CHDH: variants seen among roughly 807,000 people sequenced by gnomAD.
CHDH encodes choline dehydrogenase.
Under a neutral mutation model 56.9 loss-of-function variants are expected in CHDH, and 43 were observed. That is an observed-to-expected ratio of 0.76 (90% CI 0.59 to 0.97). CHDH has a LOEUF of 0.97. CHDH is among the 50% of genes least tolerant of loss of function. The probability of loss-of-function intolerance (pLI) is 0.00; values close to 1 mark genes in which losing one functional copy is unlikely to be tolerated. For missense variants in CHDH, 816 were observed against 821.1 expected, an observed-to-expected ratio of 0.99 and a Z score of 0.08; for synonymous variants, 364 against 348.5, an observed-to-expected ratio of 1.04 and a Z score of -0.50.
rs2106943877 is a variant in CHDH at position 53,813,257 on chromosome 3, T to C, written c.*4520A>G. 2.0e-5 allele frequency: 3 copies of C among 152,252 alleles called. No homozygotes were observed. The allele number at this position is 152,252 out of a possible 1,614,324, so 9.4% of individuals were successfully genotyped here. A position where few individuals can be genotyped will look rare whatever the true frequency, so the allele number is the denominator to read the frequency against. On this transcript the variant is annotated 3_prime_UTR_variant, in exon 9 of 9. Transcript: ENST00000315251. ...CACTTCAAGGTTTGTAAATGACTCT[T>C]TCCTGACATAAATCCTTTTTTATTA...
Position 53,818,942 on chromosome 3 carries a change from T to G in CHDH, c.1362A>C (p.Ser454=). The G allele has an allele frequency of 6.2e-7, 1 of 1,606,374 alleles. No individual in the cohort carries two copies. The change falls in exon 8 of 9, where the codon TCA becomes TCC. Residue 454 remains serine (S), a synonymous_variant. Coordinates refer to ENST00000315251, the MANE Select transcript of CHDH (RefSeq NM_018397.5). ...DHPVIQPNYL[S]TETDIEDFRL... ...AGACACAGGTGGGTGAAGTACCTGT[T>G]GACAAGTAGTTGGGCTGGATCACAG...
intron 2 of CHDH, among the ~76,000 whole-genome samples, chr3:53,831,394 C>T (rs1480146995): frequency 1.3e-5 from 2 of 152,244 alleles, no homozygotes; most frequent in Non-Finnish European, 2.9e-5. Flanking sequence ...AACTGTAGAG[C>T]CCTGGGGCCT....
At position 53,823,449 on chromosome 3, in the gene CHDH, A is replaced by C; in HGVS notation, c.560T>G (p.Leu187Arg). 1 of 1,566,406 alleles carries C rather than the reference A, an allele frequency of 6.4e-7. No individual in the cohort carries two copies. Reference sequence around the variant, plus strand: ...GTTGGTCTTGCCCCGGGACACCCGCAGCGGGCCATCGGCGCCCCGGTACCG... The same window carrying C: ...GTTGGTCTTGCCCCGGGACACCCGCCGCGGGCCATCGGCGCCCCGGTACCG... The part of the protein sequence containing the change: ...ASRYRGADGP[L>R]RVSRGKTNHP... Residue 187 changes from leucine to arginine, a missense_variant, in exon 3 of 9, where the codon CTG (leucine) becomes CGG (arginine). Transcript: ENST00000315251.
chr3:53,832,327 T>G (rs376919048), intron 2 of CHDH, among the ~76,000 whole-genome samples: 3 of 151,902 alleles, frequency 2.0e-5, no homozygotes, highest in Non-Finnish European at 2.9e-5. Flanking sequence ...GTCAGGAGAT[T>G]AAGACCATCC....
intron 5 of CHDH, 99 bp from the exon 6 acceptor site, chr3:53,820,707 T>A: frequency 7.0e-7 from 1 of 1,437,216 alleles, no homozygotes; most frequent in East Asian, 2.3e-5. Context: ...TATTCCCTTA[T>A]CTTCTGGACC....
intron 2 of CHDH, among the ~76,000 whole-genome samples, chr3:53,828,388 T>C (rs547589601): frequency 6.6e-6 from 1 of 152,188 alleles, no homozygotes; most frequent in Admixed American, 6.5e-5. Context: ...ATGAAAGAAA[T>C]AATTGATAAG....
intron 8 of CHDH, among the ~76,000 whole-genome samples, chr3:53,818,433 G>C (rs570831962): frequency 6.6e-6 from 1 of 152,302 alleles, no homozygotes; most frequent in African/African-American, 2.4e-5. Context: ...AGAGGCCCAG[G>C]TTTAAATCAG....
intron 2 of CHDH, among the ~76,000 whole-genome samples, chr3:53,837,347 G>C (rs1182495238): frequency 6.6e-6 from 1 of 152,214 alleles, no homozygotes; most frequent in African/African-American, 2.4e-5. Flanking sequence ...ATACCACTTG[G>C]CCCCTTGTGC....
chr3:53,822,748 G>A (rs1428364940), intron 3 of CHDH, 106 bp from the exon 4 acceptor site: 2 of 1,350,830 alleles, frequency 1.5e-6, no homozygotes, highest in East Asian at 2.5e-5. Flanking sequence ...AGCTCTGACT[G>A]CAAGTCCCGC....
chr3:53,826,606 C>A (rs1294381840), intron 2 of CHDH, among the ~76,000 whole-genome samples: 1 of 151,922 alleles, frequency 6.6e-6, no homozygotes, highest in South Asian at 2.1e-4. Flanking sequence ...GAAACTTCCC[C>A]AACTTGGTAA....
In CHDH at chr3:53,823,994, T is replaced by C; in HGVS notation, c.15A>G (p.Leu5=). The part of the protein sequence containing the change: MWCL[L]RGLGRPGALA... Reference sequence around the variant, plus strand: ...GGGCTCCAGGCCGGCCCAGGCCTCGTAGGAGACACCACATGCTTCTATCTA... The same window carrying C: ...GGGCTCCAGGCCGGCCCAGGCCTCGCAGGAGACACCACATGCTTCTATCTA... The change falls in exon 3 of 9, where the codon CTA becomes CTG. Residue 5 remains leucine, a synonymous_variant. Transcript: ENST00000315251. 2.7e-6 allele frequency: 4 copies of C among 1,487,466 alleles called. No homozygotes were observed. The East Asian group carries it at 1.0e-4, about 37-fold the overall frequency. 92.1% of individuals were successfully genotyped at this position (1,487,466 alleles called of 1,614,324 possible).
intron 2 of CHDH, among the ~76,000 whole-genome samples, chr3:53,831,095 C>G (rs967302127): frequency 2.6e-5 from 4 of 152,298 alleles, no homozygotes; most frequent in Admixed American, 6.5e-5. Flanking sequence ...ACTGAAGAGC[C>G]CTTGGGCCTT....
Position 53,823,423 on chromosome 3 carries a change from G to T in CHDH, c.586C>A (p.His196Asn). 1.3e-6 allele frequency: 2 copies of T among 1,588,050 alleles called. No homozygotes were observed. Among genetic ancestry groups the T allele is most frequent in the Non-Finnish European group, 1.7e-6 (2 of 1,167,402 alleles). Reference sequence around the variant, plus strand: ...TCCAGGAATGCGCAGTGCAGCGGGTGGTTGGTCTTGCCCCGGGACACCCGC... The same window carrying T: ...TCCAGGAATGCGCAGTGCAGCGGGTTGTTGGTCTTGCCCCGGGACACCCGC... ...PLRVSRGKTN[H>N]PLHCAFLEAT... Residue 196 changes from histidine to asparagine, a missense_variant, in exon 3 of 9, where the codon CAC (histidine) becomes AAC (asparagine). Coordinates refer to ENST00000315251, the MANE Select transcript of CHDH (RefSeq NM_018397.5).
intron 8 of CHDH, 28 bp from the exon 9 acceptor site, chr3:53,818,223 C>T (rs2095619362): frequency 2.6e-6 from 4 of 1,562,178 alleles, no homozygotes; most frequent in South Asian, 1.2e-5. Flanking sequence ...CAGGTGAGGA[C>T]CCCTCCTTTT....
chr3:53,817,795 C>T lies in CHDH; in HGVS notation c.1767G>A (p.Thr589=), dbSNP rs764597199. The change falls in exon 9 of 9, where the codon ACG becomes ACA. Residue 589 remains threonine (T), a synonymous_variant. Coordinates refer to ENST00000315251, the MANE Select transcript of CHDH (RefSeq NM_018397.5). Reference sequence around the variant, plus strand: ...AACTGTCTTAGCGCTGGGTGGCCAGCGTCCTGGGCTTGTAGACAGGGACAT... The same window carrying T: ...AACTGTCTTAGCGCTGGGTGGCCAGTGTCCTGGGCTTGTAGACAGGGACAT... ...DKDVPVYKPR[T]LATQR The T allele has an allele frequency of 1.1e-5, 18 of 1,605,072 alleles. No individual in the cohort carries two copies. The highest frequency in any genetic ancestry group is 8.9e-5 in the East Asian group (4 of 44,798).
Position 53,820,409 on chromosome 3 carries a change from C to T in CHDH, c.1120+65G>A, listed in dbSNP as rs940943638. 2.6e-5 allele frequency: 40 copies of T among 1,545,640 alleles called. 1 individual carries two copies. Among genetic ancestry groups the T allele is most frequent in the Middle Eastern group, 3.6e-4 (2 of 5,526 alleles). On this transcript the variant is annotated intron_variant, in intron 6 of 8. Coordinates refer to ENST00000315251, the MANE Select transcript of CHDH (RefSeq NM_018397.5). ...CAGTGGCCAGAACCCCTGTTCAGCT[C>T]CTCAGGAAGGAGGTCTCAATGCTTA... is the stretch of plus-strand genomic sequence containing the variant.
intron 4 of CHDH, among the ~76,000 whole-genome samples, chr3:53,822,235 A>G (rs1357797556): frequency 3.3e-5 from 5 of 152,096 alleles, no homozygotes; most frequent in African/African-American, 4.8e-5. Flanking sequence ...ATGGTGTGGA[A>G]GGTACTGGGG....
chr3:53,830,774 A>C (rs1444763457), intron 2 of CHDH, among the ~76,000 whole-genome samples: 2 of 152,216 alleles, frequency 1.3e-5, no homozygotes, highest in African/African-American at 4.8e-5. Flanking sequence ...AATACATCTT[A>C]AAAGACTGAA....
In CHDH at chr3:53,816,132, C is replaced by G. The variant is rs2095615376; in HGVS notation, c.*1645G>C. On this transcript the variant is annotated 3_prime_UTR_variant, in exon 9 of 9. Transcript: ENST00000315251. ...AGAAAACTAACTTGTGGCTGTCGGA[C>G]GCCCCCCCCCCCCGCCCCAGTCTGT... 2 of 28,846 alleles carry G rather than the reference C, an allele frequency of 6.9e-5. No homozygotes were observed. Among genetic ancestry groups the G allele is most frequent in the East Asian group, 1.8e-3 (1 of 554 alleles). 1.8% of individuals were successfully genotyped at this position (28,846 alleles called of 1,614,324 possible).
Sources: allele counts gnomAD v4.1 joint callset (sites outside exome capture counted in the v4.1 genomes callset), GRCh38; gene constraint gnomAD v4.1.1; transcripts MANE v1.5; gene names NCBI Gene and HGNC (gene_info 2026-07-23, HGNC 2026-07-21).